POR: variants seen among roughly 807,000 people sequenced by gnomAD.
POR encodes cytochrome p450 oxidoreductase.
A neutral mutation model predicts 84.0 loss-of-function variants in POR; 56 were observed. The observed-to-expected ratio is 0.67, with a 90% CI of 0.54 to 0.83. POR has a LOEUF of 0.83. POR is among the 40% of genes least tolerant of loss of function. The probability of loss-of-function intolerance (pLI) is 0.00; values close to 1 mark genes in which losing one functional copy is unlikely to be tolerated. For synonymous variants in POR, 414 were observed against 400.5 expected (o/e 1.03, Z -0.40); for missense variants, 938 against 944.3 (o/e 0.99, Z 0.09).
At chr7:75,946,344 T>A (rs1423172822) in intron 1 of POR, among the ~76,000 whole-genome samples, 1 of 152,054 alleles carries the variant, frequency 6.6e-6, no homozygotes, top group East Asian at 1.9e-4. Context: ...TACAGTGTAG[T>A]GGTGTGATTA....
rs1196250740 is a variant in POR at position 75,916,025 on chromosome 7, C to T, written c.-5+846C>T. 3.3e-5 allele frequency among the ~76,000 whole-genome samples: 5 copies of T among 152,178 alleles called. No individual in the cohort carries two copies. In the East Asian group the frequency reaches 9.6e-4, roughly 29 times the overall value. On this transcript the variant is annotated intron_variant, in intron 1 of 15. Coordinates refer to ENST00000461988, the MANE Select transcript of POR (RefSeq NM_000941.3). ...CCTTAAAGCTGCAGCCTTGCCTTGC[C>T]TTGCCTCTGAGCTTGGCCAAGCTGG... is the stretch of plus-strand genomic sequence containing the variant.
intron 1 of POR, among the ~76,000 whole-genome samples, chr7:75,925,422 G>A (rs1220928544): frequency 1.3e-5 from 2 of 152,146 alleles, no homozygotes; most frequent in Non-Finnish European, 2.9e-5. Flanking sequence ...CTACTCAAGA[G>A]GCTGAAGCAG....
At chr7:75,941,586 C>T (rs1299317642) in intron 1 of POR, among the ~76,000 whole-genome samples, 2 of 152,078 alleles carry the variant, frequency 1.3e-5, no homozygotes, top group African/African-American at 2.4e-5. Context: ...TGTCAGAGGC[C>T]AGGTAATAAA....
intron 2 of POR, among the ~76,000 whole-genome samples, chr7:75,954,526 CATTT>C (rs573396943): frequency 3.3e-5 from 5 of 151,716 alleles, no homozygotes; most frequent in African/African-American, 4.8e-5. Context: ...CCCTTTTTTC[CATTT>C]ATTTATTTAT....
chr7:75,980,482 G>A lies in POR; in HGVS notation c.510G>A (p.Lys170=), dbSNP rs1554557573. The change falls in exon 5 of 16, where the codon AAG becomes AAA. Residue 170 remains lysine (K), a synonymous_variant. Transcript: ENST00000461988. ...CAGACGTGGATCTCTCTGGGGTCAA[G>A]TTCGCGGTGAGTCACCCAGAGACTG... 6.2e-7 allele frequency: 1 copy of A among 1,612,992 alleles called. No homozygotes were observed. Among genetic ancestry groups the A allele is most frequent in the Admixed American group, 1.7e-5 (1 of 60,020 alleles).
At chr7:75,973,456 G>A (rs1317022948) in intron 3 of POR, among the ~76,000 whole-genome samples, 1 of 151,802 alleles carries the variant, frequency 6.6e-6, no homozygotes, top group Non-Finnish European at 1.5e-5. Flanking sequence ...TGGGACTACA[G>A]GTGCACACCA....
chr7:75,923,848 T>G (rs1441971351), intron 1 of POR, among the ~76,000 whole-genome samples: 7 of 151,480 alleles, frequency 4.6e-5, no homozygotes, highest in Non-Finnish European at 2.9e-5. Flanking sequence ...AGATCAGACC[T>G]TTGTCCTCCA....
intron 1 of POR, among the ~76,000 whole-genome samples, chr7:75,933,692 C>T (rs1248255966): frequency 6.6e-6 from 1 of 152,150 alleles, no homozygotes. Flanking sequence ...CACCCAGCCT[C>T]AGTAGGTCTC....
intron 1 of POR, among the ~76,000 whole-genome samples, chr7:75,935,506 A>G (rs1807624799): frequency 6.6e-6 from 1 of 151,782 alleles, no homozygotes; most frequent in Non-Finnish European, 1.5e-5. Flanking sequence ...TCGGCCTCCC[A>G]AAGTGCTGGG....
At chr7:75,979,794 G>C in intron 4 of POR, 1 of 622,116 alleles carries the variant, frequency 1.6e-6, no homozygotes, top group African/African-American at 1.9e-5. Flanking sequence ...GCCAGGCATC[G>C]TTTCCCCAGG....
chr7:75,954,311 G>A, intron 2 of POR, 131 bp downstream of exon 2: 1 of 945,824 alleles, frequency 1.1e-6, no homozygotes, highest in Non-Finnish European at 1.6e-6. Flanking sequence ...CTTGGGTTTT[G>A]CCTTCTTGCT....
At chr7:75,937,069 C>T (rs762747396) in intron 1 of POR, among the ~76,000 whole-genome samples, 4 of 151,510 alleles carry the variant, frequency 2.6e-5, no homozygotes, top group East Asian at 3.9e-4. Context: ...CTTCGTGATC[C>T]GCCTGCCTCG....
chr7:75,969,918 G>A lies in POR; in HGVS notation c.189-2495G>A, dbSNP rs185394198. Among the ~76,000 whole-genome samples, 20 of 152,348 alleles carry A rather than the reference G, an allele frequency of 1.3e-4. No individual in the cohort carries two copies. In the East Asian group the frequency reaches 1.9e-3, roughly 15 times the overall value. ...ATGTGCAGAGTAAAGTGCCTTGGCC[G>A]ACCAGTGTGTGTGCCACAGCGAAGA... On this transcript the variant is annotated intron_variant, in intron 2 of 15. Coordinates refer to ENST00000461988, the MANE Select transcript of POR (RefSeq NM_000941.3).
In POR at chr7:75,979,445, C is replaced by G; in HGVS notation, c.238-6C>G. 1 of 1,612,426 alleles carries G rather than the reference C, an allele frequency of 6.2e-7. No individual in the cohort carries two copies. Among genetic ancestry groups the G allele is most frequent in the Non-Finnish European group, 8.5e-7 (1 of 1,179,454 alleles). On this transcript the variant is annotated splice_polypyrimidine_tract_variant and splice_region_variant and intron_variant, in intron 3 of 15. Coordinates refer to ENST00000461988, the MANE Select transcript of POR (RefSeq NM_000941.3). Reference sequence around the variant, plus strand: ...CCCTCACCAACCCTGTGTCTGCCTTCCTTAGGGGAGGAACATCATCGTGTT... The same window carrying G: ...CCCTCACCAACCCTGTGTCTGCCTTGCTTAGGGGAGGAACATCATCGTGTT...
At chr7:75,935,758 T>A (rs577678832) in intron 1 of POR, among the ~76,000 whole-genome samples, 2 of 151,550 alleles carry the variant, frequency 1.3e-5, no homozygotes, top group South Asian at 4.2e-4. Context: ...CAGCTCAGAT[T>A]AATTAATATT....
chr7:75,946,216 TAA>T (rs1465818054), intron 1 of POR, among the ~76,000 whole-genome samples: 9 of 152,192 alleles, frequency 5.9e-5, no homozygotes, highest in African/African-American at 2.2e-4. Flanking sequence ...TAATTTATAA[TAA>T]AAGTCAGGTC....
chr7:75,960,070 CT>C (rs1787870102), intron 2 of POR, among the ~76,000 whole-genome samples: 1 of 151,986 alleles, frequency 6.6e-6, no homozygotes, highest in Non-Finnish European at 1.5e-5. Flanking sequence ...AGGTGGATTG[CT>C]TTGAGCCCAG....
chr7:75,967,840 T>A (rs782476011), intron 2 of POR: 2 of 345,704 alleles, frequency 5.8e-6, no homozygotes, highest in Non-Finnish European at 1.2e-5. Context: ...CTGCTGGGGC[T>A]CCAGATGTTG....
chr7:75,920,083 T>G (rs1234419602), intron 1 of POR, among the ~76,000 whole-genome samples: 1 of 140,310 alleles, frequency 7.1e-6, no homozygotes, highest in Non-Finnish European at 1.5e-5. Context: ...TTTTTTTTTT[T>G]GAGACAGAGT....
Sources: allele counts gnomAD v4.1 joint callset (sites outside exome capture counted in the v4.1 genomes callset), GRCh38; gene constraint gnomAD v4.1.1; transcripts MANE v1.5; gene names NCBI Gene and HGNC (gene_info 2026-07-23, HGNC 2026-07-21).